The following SDK1 variants were observed in gnomAD, a reference collection of about 807,000 sequenced individuals.
SDK1 encodes the protein sidekick cell adhesion molecule 1.
Under a neutral mutation model 245.5 loss-of-function variants are expected in SDK1, and 157 were observed. The observed-to-expected ratio is 0.64, with a 90% CI of 0.56 to 0.73. SDK1 has a LOEUF of 0.73. Ranked by LOEUF, SDK1 falls within the 30% of genes least tolerant of loss-of-function variation. The probability of loss-of-function intolerance (pLI) is 0.00; values close to 1 mark genes in which losing one functional copy is unlikely to be tolerated. For synonymous variants in SDK1, 1,647 were observed against 1,278.5 expected (o/e 1.29, Z -6.15); for missense variants, 3,583 against 3,002.3 (o/e 1.19, Z -4.52).
At chr7:3,747,974 A>G (rs989302937) in intron 4 of SDK1, among the ~76,000 whole-genome samples, 2 of 152,284 alleles carry the variant, frequency 1.3e-5, no homozygotes, top group Non-Finnish European at 1.5e-5. Flanking sequence ...AATGTTTTCA[A>G]GGGAGATTTA....
chr7:3,756,566 T>A (rs75763765), intron 4 of SDK1, among the ~76,000 whole-genome samples: 1 of 152,024 alleles, frequency 6.6e-6, no homozygotes, highest in African/African-American at 2.4e-5. Context: ...TTTTTTTTTT[T>A]AAAGAAAATG....
At chr7:4,069,041 GA>G (rs1218272708) in intron 20 of SDK1, among the ~76,000 whole-genome samples, 1 of 152,064 alleles carries the variant, frequency 6.6e-6, no homozygotes, top group Non-Finnish European at 1.5e-5. Context: ...TAATGTCTCT[GA>G]AAAACCTTTT....
intron 35 of SDK1, among the ~76,000 whole-genome samples, chr7:4,201,536 G>A (rs1783880435): frequency 6.6e-6 from 1 of 152,198 alleles, no homozygotes; most frequent in Non-Finnish European, 1.5e-5. Context: ...TTAAAACCTT[G>A]CTTTACCCAA....
At chr7:4,211,435 G>T (rs1235110189) in intron 38 of SDK1, among the ~76,000 whole-genome samples, 1 of 152,020 alleles carries the variant, frequency 6.6e-6, no homozygotes, top group Non-Finnish European at 1.5e-5. Flanking sequence ...AGGGTGCGGG[G>T]GCAGGGGAGG....
chr7:4,057,748 A>G (rs796302858), intron 19 of SDK1, among the ~76,000 whole-genome samples: 1 of 152,180 alleles, frequency 6.6e-6, no homozygotes, highest in Non-Finnish European at 1.5e-5. Context: ...CACAGCCTCT[A>G]CTAACAACCA....
intron 14 of SDK1, among the ~76,000 whole-genome samples, chr7:4,007,469 G>A (rs1382135632): frequency 6.6e-6 from 1 of 152,108 alleles, no homozygotes; most frequent in Non-Finnish European, 1.5e-5. Flanking sequence ...GGATAGGGAG[G>A]GCGGAGCTTG....
intron 1 of SDK1, among the ~76,000 whole-genome samples, chr7:3,389,580 A>G (rs1420605980): frequency 6.6e-6 from 1 of 152,156 alleles, no homozygotes; most frequent in Non-Finnish European, 1.5e-5. Flanking sequence ...CCATAGGTCT[A>G]TTGTAGTTTG....
At chr7:3,380,157 A>G (rs1041263527) in intron 1 of SDK1, among the ~76,000 whole-genome samples, 7 of 152,220 alleles carry the variant, frequency 4.6e-5, no homozygotes, top group African/African-American at 4.8e-5. Context: ...AAAAGTTCCT[A>G]AAATGATGTT....
rs527601990 is a variant in SDK1 at position 3,512,352 on chromosome 7, A to T, written c.299-106728A>T. 4.6e-5 allele frequency among the ~76,000 whole-genome samples: 7 copies of T among 152,326 alleles called. No homozygotes were observed. The South Asian group carries it at 1.5e-3, about 32-fold the overall frequency. ...CCATTGTGTGGCTATATCAAAGTTT[A>T]TGTATTCACCTAATGAAGAATATCT... On this transcript the variant is annotated intron_variant, in intron 1 of 44. Transcript: ENST00000404826.
chr7:4,266,471 C>T lies in SDK1; in HGVS notation c.*1087C>T, dbSNP rs564011529. On this transcript the variant is annotated 3_prime_UTR_variant, in exon 45 of 45. Transcript: ENST00000404826. ...CTCCCTCTGTCCTGGCTTCTGCTGG[C>T]TGCTCGCAGCAGCCACCGCTTCTCC... 3,419 of 985,408 alleles carry T rather than the reference C, an allele frequency of 3.5e-3. 7 individuals are homozygous for T. The highest frequency in any genetic ancestry group is 3.9e-3 in the Non-Finnish European group (3,270 of 829,918). The allele number at this position is 985,408 out of a possible 1,614,324, so 61.0% of individuals were successfully genotyped here.
At chr7:4,002,669 TATATACACAAATAC>T (rs1785160418) in intron 14 of SDK1, among the ~76,000 whole-genome samples, 1 of 152,152 alleles carries the variant, frequency 6.6e-6, no homozygotes, top group South Asian at 2.1e-4. Flanking sequence ...CACAAACATA[TATATACACAAATAC>T]ATATACACAC....
intron 5 of SDK1, among the ~76,000 whole-genome samples, chr7:3,936,910 C>G (rs944090306): frequency 6.6e-6 from 1 of 152,128 alleles, no homozygotes; most frequent in South Asian, 2.1e-4. Flanking sequence ...CACTCAGGTC[C>G]GAGGAGGGCA....
At chr7:4,042,648 AGGCTTAGT>A (rs1788716684) in intron 17 of SDK1, among the ~76,000 whole-genome samples, 1 of 91,814 alleles carries the variant, frequency 1.1e-5, no homozygotes, top group Non-Finnish European at 2.0e-5. Context: ...GTGTCCCTTG[AGGCTTAGT>A]CTGAGCAGCG....
At chr7:3,912,451 G>A (rs1444752247) in intron 5 of SDK1, among the ~76,000 whole-genome samples, 3 of 152,232 alleles carry the variant, frequency 2.0e-5, no homozygotes, top group Admixed American at 2.0e-4. Flanking sequence ...ACAGAGTGTG[G>A]TTCAAGAAAC....
Position 3,390,663 on chromosome 7 carries a change from A to T in SDK1, c.298+88779A>T, listed in dbSNP as rs1352186779. 2.0e-5 allele frequency among the ~76,000 whole-genome samples: 3 copies of T among 152,150 alleles called. No individual in the cohort carries two copies. The East Asian group carries it at 5.8e-4, about 29-fold the overall frequency. ...CACATAGGGAGAGTGCCATGTGCAG[A>T]TAGACGCAGATATTGGAGTTATGCT... On this transcript the variant is annotated intron_variant, in intron 1 of 44. Transcript: ENST00000404826.
At chr7:3,432,351 C>T (rs994997908) in intron 1 of SDK1, among the ~76,000 whole-genome samples, 3 of 151,834 alleles carry the variant, frequency 2.0e-5, no homozygotes, top group Admixed American at 6.6e-5. Context: ...TAGGCAGTTT[C>T]AGTTTATCTG....
intron 4 of SDK1, among the ~76,000 whole-genome samples, chr7:3,804,634 C>T (rs1291685537): frequency 2.0e-5 from 3 of 152,188 alleles, no homozygotes; most frequent in Admixed American, 2.0e-4. Context: ...ACATTAAACA[C>T]GTAGGCCTGT....
chr7:3,855,483 A>G (rs1419000508), intron 5 of SDK1, among the ~76,000 whole-genome samples: 1 of 152,224 alleles, frequency 6.6e-6, no homozygotes, highest in African/African-American at 2.4e-5. Context: ...CAGGCTGAAG[A>G]CAAAAGTGAA....
intron 5 of SDK1, among the ~76,000 whole-genome samples, chr7:3,933,120 G>T (rs1007290227): frequency 7.1e-6 from 1 of 140,848 alleles, no homozygotes; most frequent in South Asian, 2.2e-4. Context: ...AATGCTCCTG[G>T]ATCTTTTTTT....
Sources: gnomAD v4.1 joint callset for allele counts (sites outside exome capture counted in the v4.1 genomes callset) on GRCh38, gnomAD v4.1.1 for gene constraint, MANE v1.5 for transcripts, NCBI Gene and HGNC (gene_info 2026-07-23, HGNC 2026-07-21) for gene names.